The following FER variants were observed in gnomAD, a reference collection of about 807,000 sequenced individuals.
FER encodes tyrosine-protein kinase Fer.
A neutral mutation model predicts 111.0 loss-of-function variants in FER; 63 were observed. The ratio of observed to expected loss-of-function variants is 0.57; its 90% CI spans 0.46 to 0.70. The LOEUF is 0.70. FER is among the 30% of genes least tolerant of loss of function. The pLI, the probability that FER is intolerant of heterozygous loss-of-function variation, is 0.00. For missense variants in FER, 914 were observed against 954.0 expected (o/e 0.96, Z 0.55); for synonymous variants, 327 against 313.9 (o/e 1.04, Z -0.44).
chr5:108,904,913 C>T (rs886239326), intron 10 of FER, among the ~76,000 whole-genome samples: 1 of 152,058 alleles, frequency 6.6e-6, no homozygotes, highest in Non-Finnish European at 1.5e-5. Context: ...CAAACCATTA[C>T]TATTATTAAA....
chr5:109,027,159 G>A (rs1311552855), intron 13 of FER, among the ~76,000 whole-genome samples: 3 of 151,662 alleles, frequency 2.0e-5, no homozygotes, highest in Non-Finnish European at 4.4e-5. Flanking sequence ...CTATTACACT[G>A]GATGATTACC....
intron 12 of FER, among the ~76,000 whole-genome samples, chr5:108,955,494 G>A (rs1758317155): frequency 6.6e-6 from 1 of 151,710 alleles, no homozygotes; most frequent in Non-Finnish European, 1.5e-5. Flanking sequence ...TTATTCTAAT[G>A]CTAATTTATT....
Position 108,793,522 on chromosome 5 carries a change from G to T in FER, c.-59-4602G>T, listed in dbSNP as rs556378613. On this transcript the variant is annotated intron_variant, in intron 2 of 19. Coordinates refer to ENST00000281092, the MANE Select transcript of FER (RefSeq NM_005246.4). ...ATCTATTTTTTTTTTGGCGGGGCGG[G>T]GGGGGTGGTTATATACCCAGCAGCG... Among the ~76,000 whole-genome samples the T allele has an allele frequency of 5.3e-4, 73 of 136,664 alleles. 1 individual carries two copies. The highest frequency in any genetic ancestry group is 1.8e-3 in the African/African-American group (64 of 35,188). The allele number at this position is 136,664 out of a possible 152,430, so 89.7% of individuals were successfully genotyped here.
chr5:109,145,644 T>C (rs191649257), intron 17 of FER, among the ~76,000 whole-genome samples: 49 of 152,114 alleles, frequency 3.2e-4, no homozygotes, highest in Admixed American at 1.2e-3. Context: ...CATTCAAAAA[T>C]AAAGAAATGT....
intron 1 of FER, among the ~76,000 whole-genome samples, chr5:108,751,139 T>TGGA (rs1167808148): frequency 6.6e-6 from 1 of 151,740 alleles, no homozygotes; most frequent in Non-Finnish European, 1.5e-5. Flanking sequence ...TTGTGGTGAG[T>TGGA]GGAGATCACA....
chr5:108,958,354 C>A (rs1391868120), intron 12 of FER, among the ~76,000 whole-genome samples: 1 of 151,660 alleles, frequency 6.6e-6, no homozygotes, highest in East Asian at 1.9e-4. Flanking sequence ...TTGTATATAT[C>A]TTCCTGGGTA....
chr5:108,822,142 T>C (rs769941515), intron 3 of FER, among the ~76,000 whole-genome samples: 1 of 152,218 alleles, frequency 6.6e-6, no homozygotes, highest in Non-Finnish European at 1.5e-5. Context: ...CATAATGCCC[T>C]CTAGATTAAT....
intron 13 of FER, among the ~76,000 whole-genome samples, chr5:109,029,425 C>CT (rs757282669): frequency 0.057 from 2,995 of 52,212 alleles, 122 homozygotes; most frequent in Middle Eastern, 0.14. Flanking sequence ...ATTCATTGTT[C>CT]TTTTTTTTTT....
chr5:108,855,964 T>TA (rs1762969722), intron 5 of FER, among the ~76,000 whole-genome samples: 1 of 150,824 alleles, frequency 6.6e-6, no homozygotes. Context: ...TTTTTCAAGA[T>TA]TGGGAGCTAT....
chr5:109,140,440 G>C (rs1298978592), intron 17 of FER, among the ~76,000 whole-genome samples: 3 of 152,152 alleles, frequency 2.0e-5, no homozygotes, highest in African/African-American at 7.2e-5. Context: ...TCATTTGTAA[G>C]AGTATGATCA....
intron 3 of FER, among the ~76,000 whole-genome samples, chr5:108,825,457 C>T (rs889647642): frequency 6.6e-6 from 1 of 152,210 alleles, no homozygotes; most frequent in Non-Finnish European, 1.5e-5. Context: ...CACCGGCGGT[C>T]AGAGTTTAAG....
chr5:108,920,777 G>C (rs113471743), intron 10 of FER, among the ~76,000 whole-genome samples: 1 of 152,172 alleles, frequency 6.6e-6, no homozygotes, highest in East Asian at 1.9e-4. Context: ...TTGAGTTATC[G>C]TAATGTATAA....
chr5:108,826,404 T>G (rs1012210672), intron 3 of FER, among the ~76,000 whole-genome samples: 2 of 152,118 alleles, frequency 1.3e-5, no homozygotes, highest in African/African-American at 2.4e-5. Context: ...AATTTTTCTT[T>G]CCTTTTTTTC....
chr5:108,836,555 T>C (rs1322227749), intron 5 of FER, among the ~76,000 whole-genome samples: 1 of 152,204 alleles, frequency 6.6e-6, no homozygotes, highest in Non-Finnish European at 1.5e-5. Context: ...ATTTTCTTTC[T>C]AGCTAAATAA....
intron 2 of FER, among the ~76,000 whole-genome samples, chr5:108,771,545 CTGCTTTCACT>C (rs1205109702): frequency 2.0e-5 from 3 of 152,122 alleles, no homozygotes; most frequent in Admixed American, 2.0e-4. Context: ...GAGGCTAGTG[CTGCTTTCACT>C]CATCATGCTT....
chr5:108,873,015 CTAATA>C (rs1054962373), intron 8 of FER, among the ~76,000 whole-genome samples: 14 of 152,244 alleles, frequency 9.2e-5, no homozygotes, highest in African/African-American at 3.4e-4. Context: ...ATGTCCCCAC[CTAATA>C]TAATTAAACA....
At chr5:108,779,890 A>G (rs1006226654) in intron 2 of FER, among the ~76,000 whole-genome samples, 20 of 152,198 alleles carry the variant, frequency 1.3e-4, no homozygotes, top group African/African-American at 4.6e-4. Flanking sequence ...CAAAATAATA[A>G]AATACTAATT....
chr5:108,894,718 G>A, intron 9 of FER: 1 of 209,208 alleles, frequency 4.8e-6, no homozygotes, highest in African/African-American at 2.3e-5. Flanking sequence ...GCCTGGGGAG[G>A]CCTCACAATC....
chr5:109,064,000 C>T lies in FER; in HGVS notation c.1924+16802C>T, dbSNP rs113227044. 4.7e-3 allele frequency among the ~76,000 whole-genome samples: 714 copies of T among 152,122 alleles called. 3 individuals carry two copies. The highest frequency in any genetic ancestry group is 7.3e-3 in the Non-Finnish European group (498 of 67,964). On this transcript the variant is annotated intron_variant, in intron 16 of 19. Coordinates refer to ENST00000281092, the MANE Select transcript of FER (RefSeq NM_005246.4). Reference sequence around the variant, plus strand: ...CTCTTGGTTGTCATTTTACATCATGCGTAATATGTTTGATATAATGTATTT... The same window carrying T: ...CTCTTGGTTGTCATTTTACATCATGTGTAATATGTTTGATATAATGTATTT...
Sources: gnomAD v4.1 joint callset for allele counts (sites outside exome capture counted in the v4.1 genomes callset) on GRCh38, gnomAD v4.1.1 for gene constraint, MANE v1.5 for transcripts, NCBI Gene and HGNC (gene_info 2026-07-23, HGNC 2026-07-21) for gene names.